The following CLTB variants were observed in gnomAD, a reference collection of about 807,000 sequenced individuals.
CLTB encodes clathrin, light chain (Lcb).
Under a neutral mutation model 30.5 loss-of-function variants are expected in CLTB, and 10 were observed. The ratio of observed to expected loss-of-function variants is 0.33; its 90% CI spans 0.20 to 0.56. The LOEUF is 0.56. CLTB is among the 20% of genes least tolerant of loss of function. CLTB has a pLI of 0.91. For synonymous variants in CLTB, 102 were observed against 120.3 expected, an observed-to-expected ratio of 0.85 and a Z score of 1.00; for missense variants, 261 against 308.3, an observed-to-expected ratio of 0.85 and a Z score of 1.15.
intron 2 of CLTB, among the ~76,000 whole-genome samples, chr5:176,401,078 ACT>A (rs1343102970): frequency 6.6e-6 from 1 of 151,858 alleles, no homozygotes; most frequent in Non-Finnish European, 1.5e-5. Flanking sequence ...CAATTCAGAG[ACT>A]CTCTCCCAAC....
intron 2 of CLTB, among the ~76,000 whole-genome samples, chr5:176,408,261 C>T (rs182674994): frequency 1.6e-4 from 24 of 150,452 alleles, no homozygotes; most frequent in African/African-American, 4.4e-4. Flanking sequence ...ATGCCGGGCA[C>T]GGTGGCTCGT....
chr5:176,400,677 C>T (rs1301284503), intron 2 of CLTB, among the ~76,000 whole-genome samples: 1 of 152,208 alleles, frequency 6.6e-6, no homozygotes, highest in Non-Finnish European at 1.5e-5. Context: ...GCGCTTCTGT[C>T]TCCCCTCCCA....
rs1025471034 is a variant in CLTB, at chr5:176,406,524, G to A, written c.234+3733C>T. On this transcript the variant is annotated intron_variant, in intron 2 of 5. Transcript: ENST00000310418. The stretch of plus-strand genomic sequence containing the variant: ...TGATTCCTCTAAGAAGCTAAAAGGA[G>A]GATGATGGGAGTATTAGGGGAAAGG... 4.0e-6 allele frequency: 5 copies of A among 1,254,790 alleles called. No individual in the cohort carries two copies. The Admixed American group carries it at 8.1e-5, about 20-fold the overall frequency. 77.7% of individuals were successfully genotyped at this position (1,254,790 alleles called of 1,614,324 possible). A position where few individuals can be genotyped will look rare whatever the true frequency, so the allele number is the denominator to read the frequency against.
intron 2 of CLTB, among the ~76,000 whole-genome samples, chr5:176,402,789 T>C (rs1023610809): frequency 2.0e-5 from 3 of 152,182 alleles, no homozygotes; most frequent in Admixed American, 1.3e-4. Context: ...TGAACCTTGC[T>C]GGAACACAGT....
intron 1 of CLTB, among the ~76,000 whole-genome samples, chr5:176,415,371 C>T (rs1198843298): frequency 1.3e-5 from 2 of 152,126 alleles, no homozygotes; most frequent in Non-Finnish European, 2.9e-5. Flanking sequence ...GAGAGGGCTT[C>T]AAGTCCGACA....
At chr5:176,408,210 C>A (rs1200425032) in intron 2 of CLTB, among the ~76,000 whole-genome samples, 1 of 150,668 alleles carries the variant, frequency 6.6e-6, no homozygotes, top group African/African-American at 2.4e-5. Flanking sequence ...TAGAAATACA[C>A]TTACTAGGGT....
intron 1 of CLTB, among the ~76,000 whole-genome samples, chr5:176,410,547 A>G (rs1757372039): frequency 6.6e-6 from 1 of 152,174 alleles, no homozygotes; most frequent in Non-Finnish European, 1.5e-5. Flanking sequence ...AATTGTTGTC[A>G]ACCCATTTTA....
At chr5:176,394,814 TAA>T (rs78767071) in intron 5 of CLTB, among the ~76,000 whole-genome samples, 11 of 143,554 alleles carry the variant, frequency 7.7e-5, no homozygotes, top group Admixed American at 6.9e-5. Context: ...GACTCCGTCT[TAA>T]AAAAAAAAAA....
At chr5:176,413,627 C>T (rs551087750) in intron 1 of CLTB, among the ~76,000 whole-genome samples, 4 of 152,330 alleles carry the variant, frequency 2.6e-5, no homozygotes, top group African/African-American at 4.8e-5. Context: ...GACTGGCGGC[C>T]GCTGCTAAGC....
chr5:176,410,108 T>C, intron 2 of CLTB, 149 bp downstream of exon 2: 1 of 666,276 alleles, frequency 1.5e-6, no homozygotes, highest in African/African-American at 1.8e-5. Context: ...CAAAAAAAAT[T>C]CCAAAAACCT....
At chr5:176,410,593 C>CA (rs1253241804) in intron 1 of CLTB, among the ~76,000 whole-genome samples, 1 of 152,202 alleles carries the variant, frequency 6.6e-6, no homozygotes, top group East Asian at 1.9e-4. Flanking sequence ...AGGCCATGCT[C>CA]AAAATCACCC....
intron 2 of CLTB, 96 bp downstream of exon 2, chr5:176,410,161 G>A: frequency 1.8e-6 from 2 of 1,084,754 alleles, no homozygotes; most frequent in South Asian, 2.7e-5. Flanking sequence ...TAATGAACAG[G>A]AGAACCTGGA....
At chr5:176,392,499 A>G, downstream of CLTB, 2 of 423,788 alleles carry the variant, frequency 4.7e-6, no homozygotes, top group Non-Finnish European at 8.5e-6. The surrounding 1 kb of genome is among the most constrained non-coding windows in gnomAD (Gnocchi z 5.2). Flanking sequence ...GTGTAAAAAG[A>G]GTCAACAACA....
intron 2 of CLTB, among the ~76,000 whole-genome samples, chr5:176,408,160 G>A (rs1358075348): frequency 6.6e-6 from 1 of 152,114 alleles, no homozygotes; most frequent in African/African-American, 2.4e-5. Context: ...GTATGCAAGG[G>A]GAAGAGAGTT....
intron 2 of CLTB, among the ~76,000 whole-genome samples, chr5:176,403,270 G>A (rs761858844): frequency 4.0e-5 from 6 of 151,844 alleles, no homozygotes; most frequent in South Asian, 2.1e-4. Context: ...GACTTGTGTC[G>A]AACTCCTGAT....
intron 2 of CLTB, among the ~76,000 whole-genome samples, chr5:176,399,904 G>T (rs1348975332): frequency 2.8e-5 from 4 of 141,272 alleles, no homozygotes; most frequent in Non-Finnish European, 6.1e-5. Context: ...AAGAAAAATG[G>T]GAATAGACCG....
At position 176,404,297 on chromosome 5, in the gene CLTB, G is replaced by A. The variant is rs906753356; in HGVS notation, c.234+5960C>T. On this transcript the variant is annotated intron_variant, in intron 2 of 5. Coordinates refer to ENST00000310418, the MANE Select transcript of CLTB (RefSeq NM_007097.5). ...CGGTTGCCCCCAGGTCTCATGGCCCGCCTTCCTCTGGGACGCACCCCCACA... is the reference window on the plus strand; with the variant it reads ...CGGTTGCCCCCAGGTCTCATGGCCCACCTTCCTCTGGGACGCACCCCCACA... Among the ~76,000 whole-genome samples the A allele has an allele frequency of 4.6e-5, 7 of 152,186 alleles. 1 individual carries two copies. Among genetic ancestry groups the A allele is most frequent in the East Asian group, 3.9e-4 (2 of 5,192 alleles).
In CLTB at chr5:176,416,464, G is replaced by A. The variant is rs1404735368; in HGVS notation, c.-101C>T. 8.5e-6 allele frequency: 9 copies of A among 1,061,160 alleles called. No individual in the cohort carries two copies. The highest frequency in any genetic ancestry group is 7.3e-5 in the East Asian group (2 of 27,462). The allele number at this position is 1,061,160 out of a possible 1,614,324, so 65.7% of individuals were successfully genotyped here. On this transcript the variant is annotated 5_prime_UTR_variant, in exon 1 of 6. Transcript: ENST00000310418. The stretch of plus-strand genomic sequence containing the variant: ...GCGACGCTGTCACCCGAGCCGCGGG[G>A]GAGCCGGCGTCGGCGGGGACGGGCT...
chr5:176,397,564 CT>C (rs1161511953), intron 4 of CLTB, 42 bp downstream of exon 4: 1 of 1,363,938 alleles, frequency 7.3e-7, no homozygotes, highest in African/African-American at 1.5e-5. Flanking sequence ...CACAGCCCCC[CT>C]CATGTCCCCA....
Sources: allele counts gnomAD v4.1 joint callset (sites outside exome capture counted in the v4.1 genomes callset), GRCh38; gene constraint gnomAD v4.1.1; non-coding constraint Gnocchi (gnomAD v3.1); transcripts MANE v1.5; gene names NCBI Gene and HGNC (gene_info 2026-07-23, HGNC 2026-07-21).